GRM7: variants seen among roughly 807,000 people sequenced by gnomAD.
The protein encoded by GRM7 is metabotropic glutamate receptor 7.
In GRM7, 35 loss-of-function variants were observed where a neutral mutation model predicts 84.5. That is an observed-to-expected ratio of 0.41 (90% confidence interval 0.32 to 0.55). The LOEUF (loss-of-function observed/expected upper bound fraction) is 0.55, where lower values mean the gene tolerates loss of function less well. GRM7 is among the 20% of genes least tolerant of loss of function. The probability of loss-of-function intolerance (pLI) is 0.19; values close to 1 mark genes in which losing one functional copy is unlikely to be tolerated. For synonymous variants in GRM7, 487 were observed against 455.1 expected (o/e 1.07, Z -0.89); for missense variants, 1,003 against 1,194.6 (o/e 0.84, Z 2.36).
At chr3:6,889,712 G>A (rs931002520) in intron 1 of GRM7, among the ~76,000 whole-genome samples, 1 of 152,042 alleles carries the variant, frequency 6.6e-6, no homozygotes, top group Non-Finnish European at 1.5e-5. Context: ...TTGTGTCTCT[G>A]CCTGGCTTTG....
chr3:7,581,928 C>A (rs1286394324), intron 8 of GRM7, among the ~76,000 whole-genome samples: 2 of 151,922 alleles, frequency 1.3e-5, no homozygotes, highest in East Asian at 1.9e-4. Flanking sequence ...ATATGGGAGA[C>A]CACTGCTATC....
chr3:7,701,298 ATTT>A (rs35986412), intron 9 of GRM7, among the ~76,000 whole-genome samples: 26 of 120,460 alleles, frequency 2.2e-4, no homozygotes, highest in Admixed American at 8.2e-4. Flanking sequence ...CTGTGGTTGC[ATTT>A]TTTTTTTTTT....
chr3:7,618,446 T>C (rs7640685), intron 8 of GRM7, among the ~76,000 whole-genome samples: 101,579 of 151,994 alleles, frequency 0.67, 34,757 homozygotes, highest in African/African-American at 0.81. Flanking sequence ...AATGCCAAAA[T>C]GAACATTTAG....
chr3:7,411,995 A>C (rs1433208332), intron 4 of GRM7, among the ~76,000 whole-genome samples: 54 of 116,064 alleles, frequency 4.7e-4, no homozygotes, highest in East Asian at 1.3e-3. Flanking sequence ...TCCCAACATC[A>C]CCTCTTTTCC....
chr3:7,565,738 T>TG (rs1459315775), intron 7 of GRM7, among the ~76,000 whole-genome samples: 2 of 152,174 alleles, frequency 1.3e-5, no homozygotes, highest in Non-Finnish European at 2.9e-5. Flanking sequence ...GTGCAATAAT[T>TG]GGCTTAGGAG....
chr3:7,677,939 A>G (rs1700201707), intron 8 of GRM7, among the ~76,000 whole-genome samples: 1 of 152,198 alleles, frequency 6.6e-6, no homozygotes, highest in East Asian at 1.9e-4. Context: ...AGAACAAACC[A>G]TGTTGAACTG....
At chr3:7,550,575 C>CTGTG (rs1162246895) in intron 7 of GRM7, among the ~76,000 whole-genome samples, 48 of 40,644 alleles carry the variant, frequency 1.2e-3, no homozygotes, top group African/African-American at 2.6e-3. Context: ...CTCTCTCTCT[C>CTGTG]TCTGTGTGTG....
intron 2 of GRM7, among the ~76,000 whole-genome samples, chr3:7,179,597 T>C (rs185610403): frequency 6.6e-6 from 1 of 152,366 alleles, no homozygotes; most frequent in Admixed American, 6.5e-5. Flanking sequence ...TACTGGCTTA[T>C]ACTGGAGAGA....
intron 4 of GRM7, among the ~76,000 whole-genome samples, chr3:7,328,192 C>T (rs774166904): frequency 6.6e-6 from 1 of 152,160 alleles, no homozygotes; most frequent in Non-Finnish European, 1.5e-5. Flanking sequence ...GGCTGATTTA[C>T]CAAGGTAACA....
chr3:7,505,996 C>A (rs148828742), intron 7 of GRM7, among the ~76,000 whole-genome samples: 1 of 152,332 alleles, frequency 6.6e-6, no homozygotes, highest in African/African-American at 2.4e-5. Flanking sequence ...CACTCTGCTT[C>A]CCTTGTAATT....
chr3:7,190,599 TTG>T, intron 2 of GRM7, among the ~76,000 whole-genome samples: 1 of 152,294 alleles, frequency 6.6e-6, no homozygotes, highest in Non-Finnish European at 1.5e-5. Flanking sequence ...TGCTTTGCTT[TTG>T]CCAATTCTTT....
At chr3:7,049,082 C>G (rs2124952018) in intron 1 of GRM7, among the ~76,000 whole-genome samples, 1 of 152,096 alleles carries the variant, frequency 6.6e-6, no homozygotes, top group South Asian at 2.1e-4. Context: ...AAACATCTCA[C>G]TCATGTCCAT....
intron 1 of GRM7, among the ~76,000 whole-genome samples, chr3:6,936,676 G>C (rs1275454216): frequency 6.6e-6 from 1 of 152,096 alleles, no homozygotes; most frequent in Non-Finnish European, 1.5e-5. Context: ...TAATCTTTGT[G>C]TGTGTTATTT....
chr3:7,360,028 A>G (rs1158230352), intron 4 of GRM7, among the ~76,000 whole-genome samples: 1 of 148,142 alleles, frequency 6.8e-6, no homozygotes. Context: ...ATGTTTTACC[A>G]TGATTATTTC....
intron 6 of GRM7, among the ~76,000 whole-genome samples, chr3:7,459,605 C>G (rs891132186): frequency 6.6e-6 from 1 of 152,020 alleles, no homozygotes; most frequent in African/African-American, 2.4e-5. Flanking sequence ...GGGGAAACCC[C>G]TTTTAAAGAC....
chr3:7,639,651 G>A (rs1698271176), intron 8 of GRM7, among the ~76,000 whole-genome samples: 1 of 151,932 alleles, frequency 6.6e-6, no homozygotes, highest in Non-Finnish European at 1.5e-5. Context: ...AATTAGTGAT[G>A]CTACATAAGC....
chr3:7,639,327 T>A (rs1485212045), intron 8 of GRM7, among the ~76,000 whole-genome samples: 1 of 152,148 alleles, frequency 6.6e-6, no homozygotes, highest in African/African-American at 2.4e-5. Flanking sequence ...CAAGCACACT[T>A]CTCCCTTACC....
intron 4 of GRM7, among the ~76,000 whole-genome samples, chr3:7,394,592 C>A (rs1031773820): frequency 6.6e-6 from 1 of 152,006 alleles, no homozygotes; most frequent in African/African-American, 2.4e-5. Context: ...TTCCATATTT[C>A]ATCTTCTTTT....
chr3:7,477,609 CTT>C (rs890870969), intron 7 of GRM7, among the ~76,000 whole-genome samples: 28 of 152,316 alleles, frequency 1.8e-4, no homozygotes, highest in African/African-American at 6.7e-4. Flanking sequence ...CTGCATCTCA[CTT>C]TGTTTCTTTC....
Sources: gnomAD v4.1 joint callset for allele counts (sites outside exome capture counted in the v4.1 genomes callset) on GRCh38, gnomAD v4.1.1 for gene constraint, MANE v1.5 for transcripts, NCBI Gene and HGNC (gene_info 2026-07-23, HGNC 2026-07-21) for gene names.